The following REEP1 variants were observed in gnomAD, a reference collection of about 807,000 sequenced individuals.
REEP1 encodes the protein receptor expression-enhancing protein 1.
Under a neutral mutation model 40.3 loss-of-function variants are expected in REEP1, and 22 were observed. The observed-to-expected ratio is 0.55, with a 90% confidence interval of 0.39 to 0.78. The LOEUF (loss-of-function observed/expected upper bound fraction) is 0.78, where lower values mean the gene tolerates loss of function less well. REEP1 is among the 30% of genes least tolerant of loss of function. REEP1 has a pLI of 0.00. For missense variants in REEP1, 280 were observed against 361.1 expected (o/e 0.78, Z 1.82); for synonymous variants, 116 against 139.2 (o/e 0.83, Z 1.17).
chr2:86,260,621 C>T (rs1315410479), intron 3 of REEP1, among the ~76,000 whole-genome samples: 1 of 152,188 alleles, frequency 6.6e-6, no homozygotes. Flanking sequence ...AGAGTCAAAG[C>T]ATGGGCAGGA....
At position 86,214,251 on chromosome 2, in the gene REEP1, T is replaced by C. The variant is rs1458884256; in HGVS notation, c.*2788A>G. 6.5e-6 allele frequency: 1 copy of C among 152,754 alleles called. No individual in the cohort carries two copies. The highest frequency in any genetic ancestry group is 1.5e-5 in the Non-Finnish European group (1 of 68,126). The allele number at this position is 152,754 out of a possible 1,614,324, so 9.5% of individuals were successfully genotyped here. On this transcript the variant is annotated 3_prime_UTR_variant, in exon 9 of 9. Coordinates refer to ENST00000538924, the MANE Select transcript of REEP1 (RefSeq NM_001371279.1). ...GCACATCCTTTGCCATTTCAAATAC[T>C]GTGCCAGGTGGAGGACTAGGAAGGC... is the stretch of plus-strand genomic sequence containing the variant.
chr2:86,227,323 A>G, intron 7 of REEP1, 40 bp downstream of exon 7: 1 of 1,231,724 alleles, frequency 8.1e-7, no homozygotes, highest in Non-Finnish European at 1.0e-6. Flanking sequence ...TTTCCGAGTG[A>G]GAGTCCAGCA....
chr2:86,258,883 C>A (rs1195186835), intron 3 of REEP1, among the ~76,000 whole-genome samples: 2 of 152,196 alleles, frequency 1.3e-5, no homozygotes, highest in African/African-American at 4.8e-5. Context: ...CCCCATATAA[C>A]ACCCAGACAC....
intron 5 of REEP1, among the ~76,000 whole-genome samples, chr2:86,243,246 A>G (rs890084399): frequency 5.9e-5 from 9 of 152,132 alleles, no homozygotes; most frequent in Admixed American, 1.3e-4. Context: ...GGAATCAGAG[A>G]GAAGAGGAGA....
intron 7 of REEP1, among the ~76,000 whole-genome samples, chr2:86,221,641 C>T (rs1229235937): frequency 6.6e-6 from 1 of 152,144 alleles, no homozygotes; most frequent in South Asian, 2.1e-4. Context: ...GTCTCATTGC[C>T]TCAGCCAACA....
At chr2:86,255,245 G>A (rs1676491806) in intron 3 of REEP1, among the ~76,000 whole-genome samples, 1 of 146,866 alleles carries the variant, frequency 6.8e-6, no homozygotes, top group Non-Finnish European at 1.5e-5. Flanking sequence ...AAACACCAGG[G>A]GGAATTACAG....
In REEP1 at chr2:86,245,710, C is replaced by A. The variant is rs57978399; in HGVS notation, c.417+6247G>T. Among the ~76,000 whole-genome samples, 441 of 152,078 alleles carry A rather than the reference C, an allele frequency of 2.9e-3. 2 individuals carry two copies. Among genetic ancestry groups the A allele is most frequent in the African/African-American group, 0.01 (423 of 41,460 alleles). On this transcript the variant is annotated intron_variant, in intron 5 of 8. Coordinates refer to ENST00000538924, the MANE Select transcript of REEP1 (RefSeq NM_001371279.1). ...TCTCTTCTCATTCCTTTGTCGCCACCGGACTTCAGCTACCCTATGGGTGGT... is the reference window on the plus strand; with the variant it reads ...TCTCTTCTCATTCCTTTGTCGCCACAGGACTTCAGCTACCCTATGGGTGGT...
At chr2:86,327,568 CT>C (rs34203842) in intron 1 of REEP1, among the ~76,000 whole-genome samples, 4,297 of 137,692 alleles carry the variant, frequency 0.031, 103 homozygotes, top group East Asian at 0.071. Flanking sequence ...GTCTATCTTA[CT>C]TTTTTTTTTT....
At chr2:86,282,044 C>A in intron 2 of REEP1, 126 bp downstream of exon 2, 1 of 742,750 alleles carries the variant, frequency 1.3e-6, no homozygotes, top group Non-Finnish European at 2.5e-6. Context: ...CTCATGAGAA[C>A]TGTGATGAAG....
intron 3 of REEP1, among the ~76,000 whole-genome samples, 181 bp downstream of exon 3, chr2:86,263,784 A>G (rs1053183692): frequency 6.6e-6 from 1 of 152,196 alleles, no homozygotes; most frequent in Non-Finnish European, 1.5e-5. Context: ...CATTCAATAA[A>G]TATTTACTTG....
intron 2 of REEP1, among the ~76,000 whole-genome samples, chr2:86,266,997 ACT>A (rs1337829955): frequency 6.8e-6 from 1 of 147,744 alleles, no homozygotes; most frequent in East Asian, 2.0e-4. Flanking sequence ...ACAGAGCAAG[ACT>A]CTGTCTCAGG....
chr2:86,236,237 A>G (rs1240016762), intron 5 of REEP1, among the ~76,000 whole-genome samples: 1 of 151,198 alleles, frequency 6.6e-6, no homozygotes. Flanking sequence ...AAAAATCAAC[A>G]TGCCTCTCTC....
chr2:86,250,405 T>A (rs776505688), intron 5 of REEP1, among the ~76,000 whole-genome samples: 5 of 152,206 alleles, frequency 3.3e-5, no homozygotes, highest in African/African-American at 4.8e-5. Context: ...CCTGATGAAT[T>A]CAGAATTTAG....
chr2:86,300,498 C>T (rs1679208761), intron 1 of REEP1, among the ~76,000 whole-genome samples: 1 of 152,118 alleles, frequency 6.6e-6, no homozygotes, highest in Admixed American at 6.5e-5. Flanking sequence ...TGTGCATGGC[C>T]GTGCTTGGCC....
In REEP1 at chr2:86,254,716, G is replaced by T. The variant is rs1170051082; in HGVS notation, c.281C>A (p.Pro94His). The T allele has an allele frequency of 6.2e-7, 1 of 1,613,564 alleles. No individual in the cohort carries two copies. Reference sequence around the variant, plus strand: ...TACCTTTTCTTTTGAAGATAGCGTGGGATGTACAAACTTCCTGTACAGGAG... The same window carrying T: ...TACCTTTTCTTTTGAAGATAGCGTGTGATGTACAAACTTCCTGTACAGGAG... ...SSLLYRKFVH[P>H]TLSSKEKEID... Residue 94 changes from proline to histidine, a missense_variant, in exon 4 of 9, where the codon CCC (proline) becomes CAC (histidine). Physicochemically the swap from Pro to His is moderately conservative, Grantham distance 77 (BLOSUM62 -2). This residue lies in a region of REEP1 where 11 missense variants were observed against 38.9 expected (regional missense o/e 0.28). Transcript: ENST00000538924.
At chr2:86,217,764 C>T (rs1332183641) in intron 8 of REEP1, among the ~76,000 whole-genome samples, 2 of 149,486 alleles carry the variant, frequency 1.3e-5, no homozygotes, top group African/African-American at 2.5e-5. Context: ...CTCCTATGAG[C>T]ATGACCTTTG....
At chr2:86,272,773 G>A (rs933134310) in intron 2 of REEP1, among the ~76,000 whole-genome samples, 3 of 152,112 alleles carry the variant, frequency 2.0e-5, no homozygotes, top group Non-Finnish European at 4.4e-5. Flanking sequence ...ACAACTTTAT[G>A]CTGGTCTTTA....
At chr2:86,218,416 G>A (rs890678299) in intron 8 of REEP1, among the ~76,000 whole-genome samples, 1 of 152,184 alleles carries the variant, frequency 6.6e-6, no homozygotes, top group Non-Finnish European at 1.5e-5. Flanking sequence ...GGAAGTGAAT[G>A]AGCCAGAAAA....
chr2:86,216,810 T>C lies in REEP1; in HGVS notation c.*229A>G, dbSNP rs1674135748. ...TTACCAACCTCAGAAGACTTAAAGG[T>C]CACCACCCCCGCCCCTACTACCTTT... On this transcript the variant is annotated 3_prime_UTR_variant, in exon 9 of 9. Transcript: ENST00000538924. 3.8e-6 allele frequency: 2 copies of C among 524,998 alleles called. No homozygotes were observed. The highest frequency in any genetic ancestry group is 6.9e-6 in the Non-Finnish European group (2 of 290,796). The allele number at this position is 524,998 out of a possible 1,614,324, so 32.5% of individuals were successfully genotyped here.
Sources: allele counts gnomAD v4.1 joint callset (sites outside exome capture counted in the v4.1 genomes callset), GRCh38; gene constraint gnomAD v4.1.1; regional missense constraint gnomAD v4.1.1; transcripts MANE v1.5; gene names NCBI Gene and HGNC (gene_info 2026-07-23, HGNC 2026-07-21).